The following TNFRSF19 variants were observed in gnomAD, a reference collection of about 807,000 sequenced individuals.
The protein encoded by TNFRSF19 is TNF receptor superfamily member 19, also known as tumor necrosis factor receptor superfamily member 19.
A neutral mutation model predicts 46.4 loss-of-function variants in TNFRSF19; 27 were observed. The observed-to-expected ratio is 0.58, with a 90% CI of 0.43 to 0.80. The LOEUF is 0.80. Among genes scored for constraint, TNFRSF19 ranks in the 30% least tolerant of loss-of-function variants. The pLI is 0.00. For synonymous variants in TNFRSF19, 204 were observed against 205.0 expected (o/e 1.00, Z 0.04); for missense variants, 511 against 530.8 (o/e 0.96, Z 0.37).
chr13:23,631,565 G>A (rs918445310), intron 5 of TNFRSF19, among the ~76,000 whole-genome samples: 2 of 152,134 alleles, frequency 1.3e-5, no homozygotes, highest in African/African-American at 4.8e-5. Context: ...GTCCATGAGT[G>A]TATTTCTGTG....
intron 5 of TNFRSF19, among the ~76,000 whole-genome samples, chr13:23,637,964 G>GC (rs1195538306): frequency 1.3e-5 from 2 of 152,272 alleles, no homozygotes; most frequent in Non-Finnish European, 2.9e-5. Flanking sequence ...AACTGGGAGG[G>GC]CGGAGGCCCA....
chr13:23,650,430 T>C (rs1251140751), intron 5 of TNFRSF19, among the ~76,000 whole-genome samples: 1 of 152,214 alleles, frequency 6.6e-6, no homozygotes, highest in Non-Finnish European at 1.5e-5. Context: ...GAAGCTCCGA[T>C]ACAAGCTACA....
intron 1 of TNFRSF19, among the ~76,000 whole-genome samples, chr13:23,586,757 A>G (rs1566164894): frequency 1.3e-5 from 2 of 152,342 alleles, no homozygotes; most frequent in South Asian, 2.1e-4. Context: ...CTCTGTGTGC[A>G]GCTGAACAGC....
At chr13:23,668,125 C>A in intron 8 of TNFRSF19, 43 bp downstream of exon 8, 1 of 1,474,268 alleles carries the variant, frequency 6.8e-7, no homozygotes, top group Non-Finnish European at 9.3e-7. Flanking sequence ...ACCCCCTGTG[C>A]AAATATGCAT....
intron 3 of TNFRSF19, among the ~76,000 whole-genome samples, chr13:23,606,985 A>G (rs1033855493): frequency 6.6e-6 from 1 of 152,264 alleles, no homozygotes; most frequent in African/African-American, 2.4e-5. Flanking sequence ...AGTCAGATAA[A>G]TCACTGAAAT....
chr13:23,602,730 C>T (rs1880249839), intron 3 of TNFRSF19, among the ~76,000 whole-genome samples: 1 of 151,986 alleles, frequency 6.6e-6, no homozygotes, highest in African/African-American at 2.4e-5. Flanking sequence ...CTCTAAAATA[C>T]TTGGAGATTA....
intron 3 of TNFRSF19, among the ~76,000 whole-genome samples, chr13:23,609,507 C>G (rs1593252709): frequency 6.6e-6 from 1 of 152,282 alleles, no homozygotes; most frequent in Admixed American, 6.5e-5. Flanking sequence ...CGTATTAATG[C>G]CAACAGTGTG....
At chr13:23,667,223 T>C (rs1321401490) in intron 7 of TNFRSF19, among the ~76,000 whole-genome samples, 1 of 152,072 alleles carries the variant, frequency 6.6e-6, no homozygotes, top group Non-Finnish European at 1.5e-5. Context: ...TGAGAAGATT[T>C]ATTTTTAAAT....
At chr13:23,573,617 CA>C (rs987740198) in intron 1 of TNFRSF19, among the ~76,000 whole-genome samples, 7 of 152,218 alleles carry the variant, frequency 4.6e-5, no homozygotes, top group Admixed American at 3.3e-4. Context: ...AATTTTCCTC[CA>C]GGGAAATTCC....
In TNFRSF19 at chr13:23,667,989, G is replaced by C; in HGVS notation, c.746G>C (p.Arg249Pro). 6.2e-7 allele frequency: 1 copy of C among 1,606,180 alleles called. No individual in the cohort carries two copies. Among genetic ancestry groups the C allele is most frequent in the Non-Finnish European group, 8.5e-7 (1 of 1,176,460 alleles). ...RDSVQTCGPV[R>P]LLPSMCCEEA... ...GTGCTGTCTTCCCTAGGGCCGGTGC[G>C]CTTGCTCCCATCCATGTGCTGTGAG... Residue 249 changes from arginine to proline, a missense_variant, in exon 8 of 10, where the codon CGC becomes CCC. Arg to Pro is a moderately radical substitution (Grantham distance 103). Coordinates refer to ENST00000248484, the MANE Select transcript of TNFRSF19 (RefSeq NM_148957.4).
intron 3 of TNFRSF19, among the ~76,000 whole-genome samples, chr13:23,597,794 A>G (rs1879845864): frequency 1.3e-5 from 2 of 152,226 alleles, no homozygotes; most frequent in African/African-American, 4.8e-5. Flanking sequence ...GACACAACAA[A>G]AAAAGAAAAT....
intron 2 of TNFRSF19, 88 bp from the exon 3 acceptor site, chr13:23,593,257 G>C: frequency 1.4e-6 from 1 of 693,784 alleles, no homozygotes; most frequent in East Asian, 2.7e-5. Context: ...GTGATTGTGT[G>C]ACTAATATTG....
In TNFRSF19 at chr13:23,659,129, C is replaced by T. The variant is rs114811052; in HGVS notation, c.525C>T (p.Cys175=). The change falls in exon 6 of 10, where the codon TGC becomes TGT. Residue 175 remains cysteine (C), a synonymous_variant. Coordinates refer to ENST00000248484, the MANE Select transcript of TNFRSF19 (RefSeq NM_148957.4). This position sits in a 1 kb window ranked among gnomAD's most constrained non-coding sequence, Gnocchi z 4.9. ...PRDTALAAVI[C]SALATVLLAL... ...ACACGGCGCTGGCTGCCGTTATCTGCAGCGCTCTGGCCACCGTCCTGCTGG... is the reference window on the plus strand; with the variant it reads ...ACACGGCGCTGGCTGCCGTTATCTGTAGCGCTCTGGCCACCGTCCTGCTGG... The T allele has an allele frequency of 2.5e-6, 4 of 1,614,080 alleles. No individual in the cohort carries two copies. The African/African-American group carries it at 5.3e-5, about 22-fold the overall frequency.
intron 5 of TNFRSF19, among the ~76,000 whole-genome samples, chr13:23,631,626 TA>T (rs774903101): frequency 1.3e-5 from 2 of 152,214 alleles, no homozygotes; most frequent in Non-Finnish European, 2.9e-5. Context: ...TAAATTATTT[TA>T]AAGTAAGAGT....
chr13:23,623,130 C>T (rs1002373956), intron 4 of TNFRSF19, among the ~76,000 whole-genome samples: 1 of 152,140 alleles, frequency 6.6e-6, no homozygotes, highest in African/African-American at 2.4e-5. Context: ...TCCCCCAGCC[C>T]GTGGAAACCA....
At chr13:23,616,560 TTTTG>T (rs35916122) in intron 4 of TNFRSF19, among the ~76,000 whole-genome samples, 9 of 149,054 alleles carry the variant, frequency 6.0e-5, no homozygotes, top group Admixed American at 2.6e-4. Context: ...TTCTTATAGG[TTTTG>T]TTTGTTTGTT....
chr13:23,624,927 T>C (rs1293416345), intron 4 of TNFRSF19, among the ~76,000 whole-genome samples: 1 of 151,944 alleles, frequency 6.6e-6, no homozygotes, highest in Non-Finnish European at 1.5e-5. Flanking sequence ...ATTTTTTGTA[T>C]TTTTCATAGA....
At chr13:23,660,563 G>A in intron 7 of TNFRSF19, 73 bp downstream of exon 7, 4 of 1,537,606 alleles carry the variant, frequency 2.6e-6, no homozygotes, top group Non-Finnish European at 3.5e-6. Flanking sequence ...AATTGGTCCT[G>A]GTTTATTCAC....
chr13:23,604,712 T>A (rs764094903), intron 3 of TNFRSF19, among the ~76,000 whole-genome samples: 9 of 152,264 alleles, frequency 5.9e-5, no homozygotes, highest in African/African-American at 2.2e-4. Flanking sequence ...AGTGTAGTCA[T>A]CTGGTCTTTG....
Sources: allele counts gnomAD v4.1 joint callset (sites outside exome capture counted in the v4.1 genomes callset), GRCh38; gene constraint gnomAD v4.1.1; non-coding constraint Gnocchi (gnomAD v3.1); transcripts MANE v1.5; gene names NCBI Gene and HGNC (gene_info 2026-07-23, HGNC 2026-07-21).